HSD17B12: variants seen among roughly 807,000 people sequenced by gnomAD.
The protein encoded by HSD17B12 is very-long-chain 3-oxoacyl-CoA reductase.
Under a neutral mutation model 39.3 loss-of-function variants are expected in HSD17B12, and 32 were observed. The ratio of observed to expected loss-of-function variants is 0.81; its 90% CI spans 0.61 to 1.09. HSD17B12 has a LOEUF of 1.09. Among genes scored for constraint, HSD17B12 ranks in the 50% least tolerant of loss-of-function variants. The probability of loss-of-function intolerance (pLI) is 0.00; values close to 1 mark genes in which losing one functional copy is unlikely to be tolerated. For missense variants in HSD17B12, 342 were observed against 382.9 expected (o/e 0.89, Z 0.89); for synonymous variants, 150 against 146.7 (o/e 1.02, Z -0.16).
the HSD17B12 span, among the ~76,000 whole-genome samples, chr11:43,619,249 T>TAAA: frequency 8.4e-6 from 1 of 118,846 alleles, no homozygotes; most frequent in African/African-American, 3.4e-5. Context: ...ATATAAAATA[T>TAAA]ATATATATAT....
the HSD17B12 span, among the ~76,000 whole-genome samples, chr11:43,631,280 G>A: frequency 6.6e-6 from 1 of 152,204 alleles, no homozygotes; most frequent in African/African-American, 2.4e-5. Context: ...TATAGGTTGG[G>A]CAGAAAGTAA....
chr11:43,663,688 G>T, the HSD17B12 span, among the ~76,000 whole-genome samples: 7 of 152,114 alleles, frequency 4.6e-5, no homozygotes, highest in Admixed American at 4.6e-4. Flanking sequence ...CTGAACTGGA[G>T]TTCCTTAGCC....
chr11:43,793,573 T>A (rs1950888939), intron 3 of HSD17B12, among the ~76,000 whole-genome samples: 2 of 152,192 alleles, frequency 1.3e-5, no homozygotes, highest in South Asian at 4.1e-4. Context: ...ATGAAAATGA[T>A]GATGGCCAGA....
the HSD17B12 span, among the ~76,000 whole-genome samples, chr11:43,588,263 A>G: frequency 6.6e-6 from 1 of 152,242 alleles, no homozygotes. Flanking sequence ...GTGAACAGCC[A>G]GTGGAAGTCA....
rs1258469132 is a variant in HSD17B12, at chr11:43,856,599, T to C, written c.*1351T>C. The C allele has an allele frequency of 1.3e-5, 2 of 152,248 alleles. No individual in the cohort carries two copies. Among genetic ancestry groups the C allele is most frequent in the Non-Finnish European group, 2.9e-5 (2 of 68,052 alleles). The allele number at this position is 152,248 out of a possible 1,614,324, so 9.4% of individuals were successfully genotyped here. ...GGTTGTCATTTAAGTTGAATAAATA[T>C]ATAGCTTTATGAAAAACACATTGTT... On this transcript the variant is annotated 3_prime_UTR_variant, in exon 11 of 11. Transcript: ENST00000278353.
chr11:43,614,775 G>A, the HSD17B12 span, among the ~76,000 whole-genome samples: 1 of 151,758 alleles, frequency 6.6e-6, no homozygotes, highest in Non-Finnish European at 1.5e-5. Flanking sequence ...TTTTATTTTA[G>A]ATATCATAAT....
At chr11:43,662,054 G>A in the HSD17B12 span, among the ~76,000 whole-genome samples, 1 of 151,988 alleles carries the variant, frequency 6.6e-6, no homozygotes, top group Non-Finnish European at 1.5e-5. Flanking sequence ...AAAATTTTAG[G>A]CTCGGCATGG....
chr11:43,565,098 C>T, the HSD17B12 span, among the ~76,000 whole-genome samples: 63 of 152,198 alleles, frequency 4.1e-4, no homozygotes, highest in Non-Finnish European at 7.2e-4. Flanking sequence ...TGGGGTTTCA[C>T]CATGTTGGCC....
chr11:43,779,542 G>A (rs1950743926), intron 3 of HSD17B12, among the ~76,000 whole-genome samples: 1 of 152,082 alleles, frequency 6.6e-6, no homozygotes, highest in Non-Finnish European at 1.5e-5. Context: ...AATCTTTGTG[G>A]CCCGAGATAC....
At chr11:43,659,925 A>AT in the HSD17B12 span, among the ~76,000 whole-genome samples, 109 of 151,506 alleles carry the variant, frequency 7.2e-4, no homozygotes, top group African/African-American at 2.3e-3. Flanking sequence ...TACAAATCTA[A>AT]TTTTTTTTTA....
At chr11:43,819,229 G>A (rs1432802051) in intron 6 of HSD17B12, among the ~76,000 whole-genome samples, 1 of 152,010 alleles carries the variant, frequency 6.6e-6, no homozygotes, top group African/African-American at 2.4e-5. Context: ...ATAACCTCCT[G>A]CTTGTCTACA....
At chr11:43,822,705 C>G (rs994520096) in intron 6 of HSD17B12, among the ~76,000 whole-genome samples, 4 of 152,178 alleles carry the variant, frequency 2.6e-5, no homozygotes, top group African/African-American at 9.7e-5. Context: ...CGTATATGTG[C>G]CACATTTTCT....
Position 43,691,010 on chromosome 11 carries a change from C to T in HSD17B12, c.160+10023C>T, listed in dbSNP as rs181594189. The stretch of plus-strand genomic sequence containing the variant: ...CGACTTTCCCTCAAATTTCTAAAGA[C>T]ACTGCATATTCCCTTCTAGATGATT... On this transcript the variant is annotated intron_variant, in intron 1 of 10. Coordinates refer to ENST00000278353, the MANE Select transcript of HSD17B12 (RefSeq NM_016142.3). Among the ~76,000 whole-genome samples the T allele has an allele frequency of 1.8e-3, 280 of 152,324 alleles. 2 individuals carry two copies. The highest frequency in any genetic ancestry group is 6.4e-3 in the African/African-American group (267 of 41,574).
intron 3 of HSD17B12, among the ~76,000 whole-genome samples, chr11:43,769,893 C>T (rs1222724075): frequency 3.3e-5 from 5 of 152,230 alleles, no homozygotes; most frequent in Middle Eastern, 3.4e-3. Context: ...TGTATTCTTT[C>T]GATAGAAGGG....
At chr11:43,847,019 T>C (rs992184909) in intron 9 of HSD17B12, among the ~76,000 whole-genome samples, 10 of 152,182 alleles carry the variant, frequency 6.6e-5, no homozygotes, top group Non-Finnish European at 1.5e-4. Context: ...ATAAGACAAT[T>C]GTATAGAGTG....
chr11:43,625,749 T>C, the HSD17B12 span, among the ~76,000 whole-genome samples: 1 of 151,284 alleles, frequency 6.6e-6, no homozygotes. Context: ...TCTGGGTCTA[T>C]AATAATTCAT....
the HSD17B12 span, among the ~76,000 whole-genome samples, chr11:43,649,816 G>T: frequency 6.6e-6 from 1 of 152,184 alleles, no homozygotes; most frequent in Non-Finnish European, 1.5e-5. Context: ...TTGGTTTCCT[G>T]CCTTTTGGAA....
intron 1 of HSD17B12, among the ~76,000 whole-genome samples, chr11:43,720,105 G>T (rs753991126): frequency 6.6e-6 from 1 of 152,080 alleles, no homozygotes; most frequent in Non-Finnish European, 1.5e-5. Context: ...CTCAACAAAA[G>T]ATCTTATGGA....
intron 3 of HSD17B12, among the ~76,000 whole-genome samples, chr11:43,780,368 A>G (rs1743908774): frequency 6.6e-6 from 1 of 152,058 alleles, no homozygotes; most frequent in Admixed American, 6.6e-5. Flanking sequence ...GGGTTTCACC[A>G]TGTTGACCAG....
Sources: gnomAD v4.1 joint callset for allele counts (sites outside exome capture counted in the v4.1 genomes callset) on GRCh38, gnomAD v4.1.1 for gene constraint, MANE v1.5 for transcripts, NCBI Gene and HGNC (gene_info 2026-07-23, HGNC 2026-07-21) for gene names.